Variants in AOX1 observed in about 807,000 individuals in gnomAD.
AOX1 encodes aldehyde oxidase.
AOX1 carries 153 observed loss-of-function variants against 169.5 expected under a neutral mutation model. The ratio of observed to expected loss-of-function variants is 0.90; its 90% CI spans 0.79 to 1.03. The LOEUF is 1.03. Among genes scored for constraint, AOX1 ranks in the 50% least tolerant of loss-of-function variants. The pLI, the probability that AOX1 is intolerant of heterozygous loss-of-function variation, is 0.00. For synonymous variants in AOX1, 562 were observed against 581.9 expected, an observed-to-expected ratio of 0.97 and a Z score of 0.49; for missense variants, 1,656 against 1,663.9, an observed-to-expected ratio of 1.00 and a Z score of 0.08.
At chr2:200,650,019 C>CA (rs1195739778) in intron 25 of AOX1, among the ~76,000 whole-genome samples, 4 of 152,198 alleles carry the variant, frequency 2.6e-5, no homozygotes, top group Non-Finnish European at 5.9e-5. Context: ...CATGCCCCAG[C>CA]AGTCTTTAGA....
intron 4 of AOX1, chr2:200,676,799 G>C (rs1264550297): frequency 4.7e-6 from 2 of 422,880 alleles, no homozygotes; most frequent in African/African-American, 4.2e-5. Context: ...ACAGACAGGA[G>C]CTGGTTGGAG....
chr2:200,620,807 A>G lies in AOX1; in HGVS notation c.1862A>G (p.His621Arg). 6.3e-7 allele frequency: 1 copy of G among 1,596,112 alleles called. No homozygotes were observed. Among genetic ancestry groups the G allele is most frequent in the Non-Finnish European group, 8.5e-7 (1 of 1,175,514 alleles). The change falls in exon 17 of 35, where the codon CAT (histidine) becomes CGT (arginine). Residue 621 changes from histidine to arginine, a missense_variant. His to Arg is a conservative substitution (Grantham distance 29, BLOSUM62 0). Transcript: ENST00000374700. The part of the protein sequence containing the change: ...FLTFVTSSRA[H>R]AKIVSIDLSE... ...ACTTTTGTGACTAGTTCAAGAGCTC[A>G]TGCTAAGATTGTGTAAGTGGTAAAA...
chr2:200,653,307 T>A (rs2035618108), intron 26 of AOX1, among the ~76,000 whole-genome samples: 1 of 152,204 alleles, frequency 6.6e-6, no homozygotes, highest in Non-Finnish European at 1.5e-5. Context: ...TCAAGGAGTT[T>A]GAGACCAAAC....
At chr2:200,657,190 A>ATATATATATTTTTTTTTTT in intron 27 of AOX1, among the ~76,000 whole-genome samples, 7 of 62,916 alleles carry the variant, frequency 1.1e-4, no homozygotes, top group African/African-American at 3.2e-4. Context: ...ATATATATAT[A>ATATATATATTTTTTTTTTT]TTTTTTTTTT....
At chr2:200,681,193 C>T (rs1050892737), downstream of AOX1, among the ~76,000 whole-genome samples, 26 of 152,086 alleles carry the variant, frequency 1.7e-4, no homozygotes, top group Non-Finnish European at 3.8e-4. Flanking sequence ...AGTTTTTTTC[C>T]AGAAAGCCTC....
At chr2:200,669,467 A>G in intron 33 of AOX1, 108 bp from the exon 34 acceptor site, 1 of 1,238,514 alleles carries the variant, frequency 8.1e-7, no homozygotes. Flanking sequence ...AAAAAAATGT[A>G]CATATGTAGT....
At chr2:200,670,301 G>A (rs1399195279) in intron 34 of AOX1, among the ~76,000 whole-genome samples, 1 of 152,176 alleles carries the variant, frequency 6.6e-6, no homozygotes, top group Non-Finnish European at 1.5e-5. Flanking sequence ...TGACTGAAGG[G>A]AAAGCCCCTC....
intron 27 of AOX1, among the ~76,000 whole-genome samples, chr2:200,657,186 A>ATTTTTTTTTTTT (rs1323706482): frequency 3.0e-5 from 2 of 65,780 alleles, no homozygotes; most frequent in African/African-American, 1.3e-4. Context: ...ATATATATAT[A>ATTTTTTTTTTTT]TATATTTTTT....
At chr2:200,603,241 C>T in intron 6 of AOX1, 26 bp from the exon 7 acceptor site, 1 of 1,585,290 alleles carries the variant, frequency 6.3e-7, no homozygotes. Flanking sequence ...CAATAAATTC[C>T]TAGTGATTTG....
At chr2:200,613,404 T>C (rs1209133022) in intron 14 of AOX1, among the ~76,000 whole-genome samples, 2 of 152,168 alleles carry the variant, frequency 1.3e-5, no homozygotes, top group Non-Finnish European at 2.9e-5. Context: ...TGGGTGATCA[T>C]ACCTACCTCA....
At chr2:200,592,879 G>A (rs1028093087) in intron 1 of AOX1, among the ~76,000 whole-genome samples, 2 of 152,120 alleles carry the variant, frequency 1.3e-5, no homozygotes, top group Non-Finnish European at 2.9e-5. Context: ...TGGACAGGAG[G>A]TAGTGTTTCT....
At chr2:200,599,804 A>T in intron 5 of AOX1, 58 bp downstream of exon 5, 1 of 1,288,386 alleles carries the variant, frequency 7.8e-7, no homozygotes, top group Non-Finnish European at 9.9e-7. Context: ...TTATTTTTTG[A>T]GACGGAATCT....
chr2:200,663,041 G>A (rs1318091864), intron 31 of AOX1, 72 bp downstream of exon 31: 1 of 1,217,204 alleles, frequency 8.2e-7, no homozygotes, highest in Non-Finnish European at 1.2e-6. Flanking sequence ...CCATCTATCT[G>A]AGGAGAGCTT....
chr2:200,672,650 T>C (rs1412469730), downstream of AOX1, among the ~76,000 whole-genome samples: 1 of 152,132 alleles, frequency 6.6e-6, no homozygotes, highest in African/African-American at 2.4e-5. Flanking sequence ...GGCAGAAAAA[T>C]TTTAAAAATA....
At chr2:200,587,980 C>T (rs2034073681) in intron 1 of AOX1, among the ~76,000 whole-genome samples, 1 of 152,146 alleles carries the variant, frequency 6.6e-6, no homozygotes, top group Non-Finnish European at 1.5e-5. Context: ...TACAGCAGAG[C>T]ACAGAAATAA....
At chr2:200,653,710 C>T (rs1485303320) in intron 26 of AOX1, among the ~76,000 whole-genome samples, 3 of 152,222 alleles carry the variant, frequency 2.0e-5, no homozygotes, top group Non-Finnish European at 2.9e-5. Context: ...TGCTTTATTG[C>T]ACTTCCTAGA....
chr2:200,586,322 C>T (rs999954407), intron 1 of AOX1, among the ~76,000 whole-genome samples, 169 bp downstream of exon 1: 1 of 152,238 alleles, frequency 6.6e-6, no homozygotes, highest in Non-Finnish European at 1.5e-5. Flanking sequence ...ACCCCTGCCT[C>T]CGGGGCAGCT....
chr2:200,633,961 C>T (rs369369275), intron 20 of AOX1, among the ~76,000 whole-genome samples: 16 of 152,038 alleles, frequency 1.1e-4, no homozygotes, highest in African/African-American at 3.9e-4. Flanking sequence ...GACAGCACCC[C>T]AATAGAGAGG....
rs147979719 is a variant in AOX1 at position 200,594,303 on chromosome 2, A to G, written c.104-969A>G. On this transcript the variant is annotated intron_variant, in intron 2 of 34. Coordinates refer to ENST00000374700, the MANE Select transcript of AOX1 (RefSeq NM_001159.4). ...TGGTGGAGAGCAGTCCATGGGAAGC[A>G]TGGTCTTAATGAAAACTGGAGTGAT... Among the ~76,000 whole-genome samples the G allele has an allele frequency of 1.5e-3, 224 of 152,310 alleles. 1 individual carries two copies. Among genetic ancestry groups the G allele is most frequent in the Middle Eastern group, 0.014 (4 of 294 alleles).
Sources: gnomAD v4.1 joint callset for allele counts (sites outside exome capture counted in the v4.1 genomes callset) on GRCh38, gnomAD v4.1.1 for gene constraint, MANE v1.5 for transcripts, NCBI Gene and HGNC (gene_info 2026-07-23, HGNC 2026-07-21) for gene names.